The following FBXL17 variants were observed in gnomAD, a reference collection of about 807,000 sequenced individuals.
FBXL17 encodes the protein F-box and leucine rich repeat protein 17, also known as F-box/LRR-repeat protein 17.
In FBXL17, 22 loss-of-function variants were observed where a neutral mutation model predicts 66.2. The ratio of observed to expected loss-of-function variants is 0.33; its 90% CI spans 0.24 to 0.47. FBXL17 has a LOEUF of 0.47. FBXL17 is among the 20% of genes least tolerant of loss of function. The probability of loss-of-function intolerance (pLI) is 1.00; values close to 1 mark genes in which losing one functional copy is unlikely to be tolerated. For synonymous variants in FBXL17, 474 were observed against 400.5 expected, an observed-to-expected ratio of 1.18 and a Z score of -2.19; for missense variants, 878 against 948.2, an observed-to-expected ratio of 0.93 and a Z score of 0.97.
At chr5:108,056,996 T>C (rs908672078) in intron 6 of FBXL17, among the ~76,000 whole-genome samples, 2 of 152,174 alleles carry the variant, frequency 1.3e-5, no homozygotes, top group Non-Finnish European at 2.9e-5. Context: ...TGGACCTTTC[T>C]CCTAAATGTT....
chr5:108,153,378 C>A (rs2149998063), intron 6 of FBXL17, among the ~76,000 whole-genome samples: 1 of 152,220 alleles, frequency 6.6e-6, no homozygotes, highest in Non-Finnish European at 1.5e-5. Context: ...GTGAATTAAC[C>A]AACTAGCAGG....
chr5:107,946,037 T>C (rs1751267601), intron 7 of FBXL17, among the ~76,000 whole-genome samples: 1 of 151,580 alleles, frequency 6.6e-6, no homozygotes, highest in African/African-American at 2.4e-5. Context: ...AGTTTTAGAA[T>C]TAGAATTTAC....
intron 6 of FBXL17, among the ~76,000 whole-genome samples, chr5:108,064,691 G>T (rs1748051671): frequency 1.3e-5 from 2 of 152,174 alleles, no homozygotes; most frequent in South Asian, 4.1e-4. Context: ...AAGCTGAATT[G>T]CTAGTCTTGT....
intron 6 of FBXL17, among the ~76,000 whole-genome samples, chr5:108,166,658 G>A (rs767390623): frequency 3.9e-5 from 6 of 152,082 alleles, no homozygotes; most frequent in East Asian, 3.9e-4. Flanking sequence ...CAAGCTATAC[G>A]CAATAGATAA....
At chr5:108,246,068 C>T (rs570964931) in intron 4 of FBXL17, among the ~76,000 whole-genome samples, 1 of 152,296 alleles carries the variant, frequency 6.6e-6, no homozygotes, top group Middle Eastern at 3.4e-3. Flanking sequence ...TGGCCCTTTT[C>T]CTCTAACTAC....
At position 107,988,489 on chromosome 5, in the gene FBXL17, C is replaced by T. The variant is rs186779870; in HGVS notation, c.1822+32436G>A. Among the ~76,000 whole-genome samples the T allele has an allele frequency of 5.7e-3, 862 of 151,982 alleles. 7 individuals are homozygous for T. Among genetic ancestry groups the T allele is most frequent in the African/African-American group, 0.019 (784 of 41,506 alleles). ...AATATATAGGCTGCTACAAGTAGTCCTTTTCTACGTTTAGTTTTAGGAGTA... is the reference window on the plus strand; with the variant it reads ...AATATATAGGCTGCTACAAGTAGTCTTTTTCTACGTTTAGTTTTAGGAGTA... On this transcript the variant is annotated intron_variant, in intron 7 of 8. Coordinates refer to ENST00000542267, the MANE Select transcript of FBXL17 (RefSeq NM_001163315.3).
intron 8 of FBXL17, among the ~76,000 whole-genome samples, chr5:107,878,044 G>A (rs571228611): frequency 6.6e-6 from 1 of 152,172 alleles, no homozygotes; most frequent in South Asian, 2.1e-4. Flanking sequence ...AAATCTTTCT[G>A]CATCCCTGTG....
At chr5:107,942,515 A>G (rs903699826) in intron 7 of FBXL17, among the ~76,000 whole-genome samples, 1 of 152,176 alleles carries the variant, frequency 6.6e-6, no homozygotes, top group Non-Finnish European at 1.5e-5. Flanking sequence ...CAAACCATGA[A>G]GATTTGCCCA....
Position 107,973,340 on chromosome 5 carries a change from G to T in FBXL17, c.1822+47585C>A, listed in dbSNP as rs542936905. ...TTCATAAGCTCTCTTAATTAAACAT[G>T]ATTTTTTTTTGTAATTTTTTTTTTT... On this transcript the variant is annotated intron_variant, in intron 7 of 8. Coordinates refer to ENST00000542267, the MANE Select transcript of FBXL17 (RefSeq NM_001163315.3). Among the ~76,000 whole-genome samples, 1,117 of 146,058 alleles carry T rather than the reference G, an allele frequency of 7.6e-3. 10 individuals carry two copies. Among genetic ancestry groups the T allele is most frequent in the Non-Finnish European group, 0.011 (729 of 66,370 alleles).
At chr5:108,344,970 T>C (rs1252231993) in intron 4 of FBXL17, among the ~76,000 whole-genome samples, 2 of 152,166 alleles carry the variant, frequency 1.3e-5, no homozygotes, top group Non-Finnish European at 2.9e-5. Context: ...ACTATACCTA[T>C]GTAGGTACAT....
chr5:108,285,802 G>T (rs962731807), intron 4 of FBXL17, among the ~76,000 whole-genome samples: 1 of 150,778 alleles, frequency 6.6e-6, no homozygotes, highest in Non-Finnish European at 1.5e-5. Context: ...AATAATAATG[G>T]AAAGGTTTAA....
intron 4 of FBXL17, among the ~76,000 whole-genome samples, chr5:108,270,168 T>C (rs978214770): frequency 1.3e-5 from 2 of 152,048 alleles, no homozygotes; most frequent in African/African-American, 4.8e-5. Flanking sequence ...ATGCCAGGTA[T>C]GTTGCCATAT....
intron 7 of FBXL17, among the ~76,000 whole-genome samples, chr5:107,957,545 T>G (rs1186957917): frequency 6.6e-6 from 1 of 152,184 alleles, no homozygotes; most frequent in African/African-American, 2.4e-5. Context: ...TGACATCATC[T>G]TTCAGATCTC....
At chr5:107,893,616 G>A (rs770978513) in intron 7 of FBXL17, among the ~76,000 whole-genome samples, 1 of 152,146 alleles carries the variant, frequency 6.6e-6, no homozygotes, top group Non-Finnish European at 1.5e-5. Flanking sequence ...TCTGATTCCA[G>A]TGGGTTTGGG....
At position 108,009,298 on chromosome 5, in the gene FBXL17, T is replaced by TAGATAGATAGATAGATAGATAGATAG. The variant is rs1475870219; in HGVS notation, c.1822+11626_1822+11627insCTATCTATCTATCTATCTATCTATCT. 7.4e-4 allele frequency among the ~76,000 whole-genome samples: 53 copies of TAGATAGATAGATAGATAGATAGATAG among 71,402 alleles called. 5 individuals carry two copies. Among genetic ancestry groups the TAGATAGATAGATAGATAGATAGATAG allele is most frequent in the African/African-American group, 1.9e-3 (28 of 14,456 alleles). 46.8% of individuals were successfully genotyped at this position (71,402 alleles called of 152,430 possible). On this transcript the variant is annotated intron_variant, in intron 7 of 8. Coordinates refer to ENST00000542267, the MANE Select transcript of FBXL17 (RefSeq NM_001163315.3). The stretch of plus-strand genomic sequence containing the variant: ...ATATATATATATATATATATATATA[T>TAGATAGATAGATAGATAGATAGATAG]ATACATATATACATACACATATAGT...
intron 3 of FBXL17, among the ~76,000 whole-genome samples, chr5:108,360,403 T>C (rs1362255188): frequency 6.6e-6 from 1 of 152,142 alleles, no homozygotes; most frequent in African/African-American, 2.4e-5. Flanking sequence ...ACACTTTAAA[T>C]ATTGTTAGCC....
intron 7 of FBXL17, among the ~76,000 whole-genome samples, chr5:107,993,139 C>T (rs546475061): frequency 7.9e-4 from 121 of 152,306 alleles, no homozygotes; most frequent in African/African-American, 2.8e-3. Context: ...TCGTGATCCA[C>T]CCACCTTGGC....
intron 7 of FBXL17, among the ~76,000 whole-genome samples, chr5:107,992,577 A>G (rs924701658): frequency 4.6e-5 from 7 of 152,194 alleles, no homozygotes; most frequent in Admixed American, 4.6e-4. Flanking sequence ...CACTTGTGTC[A>G]CTGAAACAGG....
At chr5:108,071,040 A>C (rs1748310945) in intron 6 of FBXL17, among the ~76,000 whole-genome samples, 1 of 152,254 alleles carries the variant, frequency 6.6e-6, no homozygotes, top group Non-Finnish European at 1.5e-5. Flanking sequence ...AGAAAATGCT[A>C]TCTCAACTAA....
Sources: gnomAD v4.1 joint callset for allele counts (sites outside exome capture counted in the v4.1 genomes callset) on GRCh38, gnomAD v4.1.1 for gene constraint, MANE v1.5 for transcripts, NCBI Gene and HGNC (gene_info 2026-07-23, HGNC 2026-07-21) for gene names.